Variants in ARL15 observed in about 807,000 individuals in gnomAD.
ARL15 encodes the protein ARF like GTPase 15, also known as ADP-ribosylation factor-like protein 15.
A neutral mutation model predicts 25.2 loss-of-function variants in ARL15; 19 were observed. That is an observed-to-expected ratio of 0.75 (90% CI 0.53 to 1.10). The LOEUF (loss-of-function observed/expected upper bound fraction) is 1.10, where lower values mean the gene tolerates loss of function less well. Among genes scored for constraint, ARL15 ranks in the 50% least tolerant of loss-of-function variants. The probability of loss-of-function intolerance (pLI) is 0.00; values close to 1 mark genes in which losing one functional copy is unlikely to be tolerated. For synonymous variants in ARL15, 94 were observed against 86.8 expected (o/e 1.08, Z -0.46); for missense variants, 220 against 246.0 (o/e 0.89, Z 0.71).
chr5:54,131,734 G>T (rs532116478), intron 3 of ARL15, among the ~76,000 whole-genome samples: 2 of 152,236 alleles, frequency 1.3e-5, no homozygotes, highest in East Asian at 3.9e-4. Flanking sequence ...TACCACATTA[G>T]TGTGGCTACA....
At position 54,180,126 on chromosome 5, in the gene ARL15, T is replaced by C. The variant is rs537559256; in HGVS notation, c.49-8198A>G. 2.6e-5 allele frequency among the ~76,000 whole-genome samples: 4 copies of C among 152,192 alleles called. No homozygotes were observed. The East Asian group carries it at 7.7e-4, about 29-fold the overall frequency. ...TTTTGAAACAGCCTCAAATTATATGTATATATAAATTATACCTTAAAATAT... is the reference window on the plus strand; with the variant it reads ...TTTTGAAACAGCCTCAAATTATATGCATATATAAATTATACCTTAAAATAT... On this transcript the variant is annotated intron_variant, in intron 1 of 4. Transcript: ENST00000504924.
intron 1 of ARL15, among the ~76,000 whole-genome samples, chr5:54,275,683 TTTTA>T (rs147743484): frequency 0.017 from 2,507 of 147,422 alleles, 73 homozygotes; most frequent in African/African-American, 0.06. Context: ...ATTATTATTA[TTTTA>T]TTTATTTTTT....
chr5:54,237,181 A>C (rs1455724503), intron 1 of ARL15, among the ~76,000 whole-genome samples: 1 of 152,080 alleles, frequency 6.6e-6, no homozygotes, highest in Non-Finnish European at 1.5e-5. Flanking sequence ...GTGTCAAGAG[A>C]TTTGGTGGGT....
chr5:53,994,532 G>T (rs2111679487), intron 4 of ARL15, among the ~76,000 whole-genome samples: 1 of 152,140 alleles, frequency 6.6e-6, no homozygotes, highest in East Asian at 1.9e-4. Flanking sequence ...TAGCAAAGTG[G>T]CTCCTAGGGG....
At chr5:54,211,197 C>T (rs748645997) in intron 1 of ARL15, among the ~76,000 whole-genome samples, 8 of 152,082 alleles carry the variant, frequency 5.3e-5, no homozygotes, top group Non-Finnish European at 8.8e-5. Context: ...CAAAATGTCA[C>T]AGAGTGGGGG....
At chr5:54,304,759 A>T (rs188214366) in intron 1 of ARL15, among the ~76,000 whole-genome samples, 1 of 152,356 alleles carries the variant, frequency 6.6e-6, no homozygotes, top group Non-Finnish European at 1.5e-5. Flanking sequence ...CTAAAAAGTG[A>T]CCTACATTAT....
chr5:53,991,286 A>G (rs1274917193), intron 4 of ARL15, among the ~76,000 whole-genome samples: 1 of 152,146 alleles, frequency 6.6e-6, no homozygotes, highest in African/African-American at 2.4e-5. Flanking sequence ...TCACGCCTGT[A>G]ATCCCAGCAC....
chr5:54,179,709 G>C (rs1344569954), intron 1 of ARL15, among the ~76,000 whole-genome samples: 1 of 151,946 alleles, frequency 6.6e-6, no homozygotes, highest in African/African-American at 2.4e-5. Context: ...CTCTGGAAAG[G>C]ATAAAACTTA....
chr5:54,118,833 T>A (rs532713682), intron 3 of ARL15, among the ~76,000 whole-genome samples: 1 of 152,278 alleles, frequency 6.6e-6, no homozygotes, highest in East Asian at 1.9e-4. Flanking sequence ...ATGGCATGCC[T>A]CCCAGGAGAT....
chr5:54,015,305 AC>A (rs1482314998), intron 4 of ARL15, among the ~76,000 whole-genome samples: 3 of 147,802 alleles, frequency 2.0e-5, no homozygotes, highest in South Asian at 2.2e-4. Context: ...AAAAAAAAAA[AC>A]AAAAACAAAA....
chr5:54,133,684 TG>T (rs1026516268), intron 3 of ARL15, among the ~76,000 whole-genome samples: 2 of 151,894 alleles, frequency 1.3e-5, no homozygotes, highest in African/African-American at 4.8e-5. Flanking sequence ...AAAGAAGAAA[TG>T]GTTACTATGT....
At chr5:53,953,950 C>T (rs1747058326) in intron 4 of ARL15, among the ~76,000 whole-genome samples, 1 of 151,926 alleles carries the variant, frequency 6.6e-6, no homozygotes, top group South Asian at 2.1e-4. Context: ...TTTTGTTAAC[C>T]TTATACAGAT....
chr5:54,102,487 C>T (rs1423506062), intron 4 of ARL15, among the ~76,000 whole-genome samples: 2 of 152,050 alleles, frequency 1.3e-5, no homozygotes, highest in African/African-American at 4.8e-5. Flanking sequence ...ACAGTAGTAA[C>T]AATAGTGTTT....
intron 4 of ARL15, among the ~76,000 whole-genome samples, chr5:54,000,152 C>T (rs1211674328): frequency 6.6e-6 from 1 of 152,024 alleles, no homozygotes; most frequent in Non-Finnish European, 1.5e-5. Context: ...TTCTTTTCCT[C>T]TAGTTTTTTT....
chr5:53,975,942 G>T (rs1747905519), intron 4 of ARL15, among the ~76,000 whole-genome samples: 1 of 152,152 alleles, frequency 6.6e-6, no homozygotes, highest in South Asian at 2.1e-4. Flanking sequence ...TTCTATCAAG[G>T]AAAGCTACCC....
At chr5:54,131,409 C>T (rs952834190) in intron 3 of ARL15, among the ~76,000 whole-genome samples, 9 of 152,162 alleles carry the variant, frequency 5.9e-5, no homozygotes, top group African/African-American at 2.2e-4. Flanking sequence ...TGGGGATCTA[C>T]TTTTTCCCTA....
Position 53,886,527 on chromosome 5 carries a change from A to G in ARL15, c.*34T>C. On this transcript the variant is annotated 3_prime_UTR_variant, in exon 5 of 5. Coordinates refer to ENST00000504924, the MANE Select transcript of ARL15 (RefSeq NM_019087.3). ...ATGAGAAACTAACATGATAGGTTCA[A>G]GGCCTTTTGGGAGCCTGTTTTCTTT... is the stretch of plus-strand genomic sequence containing the variant. 7.8e-6 allele frequency: 12 copies of G among 1,545,322 alleles called. No individual in the cohort carries two copies. Among genetic ancestry groups the G allele is most frequent in the Non-Finnish European group, 1.0e-5 (12 of 1,145,734 alleles).
At chr5:53,949,556 AC>A (rs1459019143) in intron 4 of ARL15, among the ~76,000 whole-genome samples, 1 of 152,192 alleles carries the variant, frequency 6.6e-6, no homozygotes, top group Non-Finnish European at 1.5e-5. Context: ...AAGATCAAAC[AC>A]CTTTTACTCA....
chr5:54,183,319 G>A (rs972779796), intron 1 of ARL15, among the ~76,000 whole-genome samples: 11 of 121,198 alleles, frequency 9.1e-5, no homozygotes, highest in East Asian at 2.4e-4. Context: ...TTTGAAATAC[G>A]TCCCATCAAT....
Sources: allele counts gnomAD v4.1 joint callset (sites outside exome capture counted in the v4.1 genomes callset), GRCh38; gene constraint gnomAD v4.1.1; transcripts MANE v1.5; gene names NCBI Gene and HGNC (gene_info 2026-07-23, HGNC 2026-07-21).